The following GOLGA5 variants were observed in gnomAD, a reference collection of about 807,000 sequenced individuals.
GOLGA5 encodes golgin subfamily A member 5.
In GOLGA5, 50 loss-of-function variants were observed where a neutral mutation model predicts 93.5. The observed-to-expected ratio is 0.53, with a 90% CI of 0.43 to 0.68. The LOEUF (loss-of-function observed/expected upper bound fraction) is 0.68. Among genes scored for constraint, GOLGA5 ranks in the 30% least tolerant of loss-of-function variants. The pLI, the probability that GOLGA5 is intolerant of heterozygous loss-of-function variation, is 0.00. For missense variants in GOLGA5, 760 were observed against 856.4 expected, an observed-to-expected ratio of 0.89 and a Z score of 1.40; for synonymous variants, 312 against 304.5, an observed-to-expected ratio of 1.02 and a Z score of -0.26.
At chr14:92,825,032 AT>A (rs1228431095) in intron 9 of GOLGA5, among the ~76,000 whole-genome samples, 4 of 152,146 alleles carry the variant, frequency 2.6e-5, no homozygotes, top group East Asian at 1.9e-4. Flanking sequence ...TCACCAAGAT[AT>A]TTTTTTAACC....
intron 2 of GOLGA5, among the ~76,000 whole-genome samples, chr14:92,801,918 T>C (rs1304866061): frequency 6.6e-6 from 1 of 152,198 alleles, no homozygotes; most frequent in African/African-American, 2.4e-5. Flanking sequence ...TGCCACCCTG[T>C]TTTAATTAAT....
chr14:92,797,998 CTTAT>C lies in GOLGA5; in HGVS notation c.544+20_544+23del. On this transcript the variant is annotated intron_variant, in intron 2 of 12. Coordinates refer to ENST00000163416, the MANE Select transcript of GOLGA5 (RefSeq NM_005113.4). ...AAACCCACGGTAGTTAATCAGTCCTCTTATTTCTTTTAGAGTTAAGCAAATTGAA... is the reference window on the plus strand; with the variant it reads ...AAACCCACGGTAGTTAATCAGTCCTCTTCTTTTAGAGTTAAGCAAATTGAA... The C allele has an allele frequency of 6.6e-7, 1 of 1,512,092 alleles. No individual in the cohort carries two copies. Among genetic ancestry groups the C allele is most frequent in the Middle Eastern group, 1.8e-4 (1 of 5,614 alleles). 93.7% of individuals were successfully genotyped at this position (1,512,092 alleles called of 1,614,324 possible). A position where few individuals can be genotyped will look rare whatever the true frequency, so the allele number is the denominator to read the frequency against.
At chr14:92,839,231 TTTCA>T in intron 12 of GOLGA5, 131 bp from the exon 13 acceptor site, 1 of 618,938 alleles carries the variant, frequency 1.6e-6, no homozygotes. Flanking sequence ...CATTTAGTTG[TTTCA>T]TTCATTCCTT....
Position 92,797,887 on chromosome 14 carries a change from T to C in GOLGA5, c.450T>C (p.Phe150=), listed in dbSNP as rs1884772006. ...IRKEKGKTPV[F]QSSQTSSVSS... ...AGGAAAAAGGCAAGACACCTGTCTTTCAGAGCTCTCAGACATCAAGTGTCA... is the reference window on the plus strand; with the variant it reads ...AGGAAAAAGGCAAGACACCTGTCTTCCAGAGCTCTCAGACATCAAGTGTCA... The change falls in exon 2 of 13, where the codon TTT becomes TTC. Residue 150 remains phenylalanine (F), a synonymous_variant. Coordinates refer to ENST00000163416, the MANE Select transcript of GOLGA5 (RefSeq NM_005113.4). 6.2e-7 allele frequency: 1 copy of C among 1,612,200 alleles called. No homozygotes were observed. Among genetic ancestry groups the C allele is most frequent in the Admixed American group, 1.7e-5 (1 of 59,988 alleles).
At chr14:92,796,502 T>C (rs1365747485) in intron 1 of GOLGA5, among the ~76,000 whole-genome samples, 1 of 152,162 alleles carries the variant, frequency 6.6e-6, no homozygotes, top group Non-Finnish European at 1.5e-5. Flanking sequence ...TTTCCTCCTC[T>C]TAGAAGGACA....
At position 92,797,891 on chromosome 14, in the gene GOLGA5, A is replaced by C. The variant is rs1332814006; in HGVS notation, c.454A>C (p.Ser152Arg). 6.2e-7 allele frequency: 1 copy of C among 1,612,438 alleles called. No homozygotes were observed. Among genetic ancestry groups the C allele is most frequent in the Non-Finnish European group, 8.5e-7 (1 of 1,178,468 alleles). Residue 152 changes from serine (S) to arginine (R), a missense_variant, in exon 2 of 13, where the codon AGC becomes CGC. Ser to Arg is a moderately radical substitution (Grantham distance 110). Transcript: ENST00000163416. ...AAAAGGCAAGACACCTGTCTTTCAG[A>C]GCTCTCAGACATCAAGTGTCAGTTC... The part of the protein sequence containing the change: ...KEKGKTPVFQ[S>R]SQTSSVSSVN...
chr14:92,802,799 G>A (rs1884901642), intron 2 of GOLGA5, among the ~76,000 whole-genome samples: 1 of 150,686 alleles, frequency 6.6e-6, no homozygotes, highest in South Asian at 2.1e-4. Flanking sequence ...GTGTTACCCA[G>A]GCTGGAATGT....
chr14:92,826,290 C>CAA (rs10713083), intron 9 of GOLGA5, among the ~76,000 whole-genome samples: 1 of 135,650 alleles, frequency 7.4e-6, no homozygotes, highest in African/African-American at 2.8e-5. Flanking sequence ...AATACATTGC[C>CAA]AAAAAAAAAA....
chr14:92,809,322 A>G lies in GOLGA5; in HGVS notation c.795A>G (p.Arg265=), dbSNP rs1885056777. 1 of 1,611,684 alleles carries G rather than the reference A, an allele frequency of 6.2e-7. No individual in the cohort carries two copies. Among genetic ancestry groups the G allele is most frequent in the African/African-American group, 1.3e-5 (1 of 74,892 alleles). The change falls in exon 4 of 13, where the codon AGA becomes AGG. Residue 265 remains arginine (R), a synonymous_variant. Coordinates refer to ENST00000163416, the MANE Select transcript of GOLGA5 (RefSeq NM_005113.4). ...TQEELNKARA[R]VEKWNADHSK... is the part of the protein sequence containing the mutation. ...TAGAATTAAACAAAGCAAGAGCAAG[A>G]GTTGAAAAGTGGAATGCTGACCATT...
intron 6 of GOLGA5, among the ~76,000 whole-genome samples, chr14:92,814,465 G>A (rs907726565): frequency 2.6e-5 from 4 of 152,106 alleles, no homozygotes; most frequent in South Asian, 2.1e-4. Flanking sequence ...AGAGAGTTCC[G>A]GGGTGCGCTG....
At position 92,797,424 on chromosome 14, in the gene GOLGA5, A is replaced by G. The variant is rs1884758043; in HGVS notation, c.-14A>G. On this transcript the variant is annotated 5_prime_UTR_variant, in exon 2 of 13. Transcript: ENST00000163416. The stretch of plus-strand genomic sequence containing the variant: ...TTTTTACAGGTTTGCCAATAGGATT[A>G]TCCTGCTGCCATCATGTCTTGGTTT... 6.3e-7 allele frequency: 1 copy of G among 1,588,158 alleles called. No homozygotes were observed. Among genetic ancestry groups the G allele is most frequent in the Non-Finnish European group, 8.6e-7 (1 of 1,167,574 alleles).
intron 2 of GOLGA5, among the ~76,000 whole-genome samples, chr14:92,805,993 A>C (rs1884977105): frequency 7.9e-6 from 1 of 126,790 alleles, no homozygotes; most frequent in South Asian, 2.3e-4. Flanking sequence ...AAAAAAAAAC[A>C]AAAAACCTTG....
At chr14:92,795,677 A>C (rs2140308509) in intron 1 of GOLGA5, among the ~76,000 whole-genome samples, 1 of 152,302 alleles carries the variant, frequency 6.6e-6, no homozygotes, top group East Asian at 1.9e-4. Flanking sequence ...AGCAAAACAG[A>C]CATAATCTTT....
At position 92,816,199 on chromosome 14, in the gene GOLGA5, A is replaced by G. The variant is rs565884423; in HGVS notation, c.1321-52A>G. Reference sequence around the variant, plus strand: ...TTTTCTGTATAGTAGATGATATTCAATATACAAACTAATCTCTGCTTTGCT... The same window carrying G: ...TTTTCTGTATAGTAGATGATATTCAGTATACAAACTAATCTCTGCTTTGCT... On this transcript the variant is annotated intron_variant, in intron 6 of 12. Transcript: ENST00000163416. 7.8e-5 allele frequency: 93 copies of G among 1,198,810 alleles called. 1 individual carries two copies. The South Asian group carries it at 7.9e-4, about 10-fold the overall frequency. 74.3% of individuals were successfully genotyped at this position (1,198,810 alleles called of 1,614,324 possible).
intron 8 of GOLGA5, among the ~76,000 whole-genome samples, chr14:92,822,718 G>A (rs1373416152): frequency 1.3e-5 from 2 of 152,090 alleles, no homozygotes; most frequent in Non-Finnish European, 2.9e-5. Context: ...GTGCAGTGGC[G>A]CGATCTCGGC....
At chr14:92,811,087 T>C (rs997500949) in intron 5 of GOLGA5, among the ~76,000 whole-genome samples, 4 of 152,264 alleles carry the variant, frequency 2.6e-5, no homozygotes, top group African/African-American at 9.6e-5. Flanking sequence ...ATGTAGTCAA[T>C]ATTAAAAGTT....
At chr14:92,829,920 C>T (rs1566960519) in intron 9 of GOLGA5, among the ~76,000 whole-genome samples, 1 of 152,158 alleles carries the variant, frequency 6.6e-6, no homozygotes, top group Non-Finnish European at 1.5e-5. Flanking sequence ...CCTCAGCAGC[C>T]ACCATTCTGA....
intron 2 of GOLGA5, among the ~76,000 whole-genome samples, chr14:92,802,589 G>GT (rs1040923081): frequency 2.1e-4 from 32 of 151,862 alleles, no homozygotes; most frequent in African/African-American, 7.2e-4. Context: ...GTTTTTTATA[G>GT]TTTTTTTATT....
At chr14:92,820,436 T>G (rs918033255) in intron 8 of GOLGA5, among the ~76,000 whole-genome samples, 1 of 152,166 alleles carries the variant, frequency 6.6e-6, no homozygotes, top group Admixed American at 6.5e-5. Context: ...ATAGAACAAA[T>G]GTACAATCGG....
Sources: gnomAD v4.1 joint callset for allele counts (sites outside exome capture counted in the v4.1 genomes callset) on GRCh38, gnomAD v4.1.1 for gene constraint, MANE v1.5 for transcripts, NCBI Gene and HGNC (gene_info 2026-07-23, HGNC 2026-07-21) for gene names.